Variants in LINGO2 observed in about 807,000 individuals in gnomAD.
The protein encoded by LINGO2 is leucine rich repeat and Ig domain containing 2.
Under a neutral mutation model 30.6 loss-of-function variants are expected in LINGO2, and 14 were observed. That is an observed-to-expected ratio of 0.46 (90% CI 0.30 to 0.72). LINGO2 has a LOEUF of 0.72. Among genes scored for constraint, LINGO2 ranks in the 30% least tolerant of loss-of-function variants. The pLI, the probability that LINGO2 is intolerant of heterozygous loss-of-function variation, is 0.07. For missense variants in LINGO2, 729 were observed against 751.7 expected (o/e 0.97, Z 0.35); for synonymous variants, 317 against 288.5 (o/e 1.10, Z -1.00).
intron 4 of LINGO2, among the ~76,000 whole-genome samples, chr9:28,203,255 G>A (rs1217816213): frequency 6.6e-6 from 1 of 152,142 alleles, no homozygotes; most frequent in Non-Finnish European, 1.5e-5. Context: ...GTAACTACTT[G>A]AGAGTACTTT....
At chr9:28,368,008 TTTTC>T (rs1820744112) in intron 3 of LINGO2, among the ~76,000 whole-genome samples, 1 of 152,152 alleles carries the variant, frequency 6.6e-6, no homozygotes, top group Non-Finnish European at 1.5e-5. Flanking sequence ...CTTTTACTTT[TTTTC>T]TTTCTCTTTG....
At chr9:28,344,628 T>C (rs1255513459) in intron 3 of LINGO2, among the ~76,000 whole-genome samples, 1 of 152,148 alleles carries the variant, frequency 6.6e-6, no homozygotes. Flanking sequence ...ATTAAATTTA[T>C]GTGTATTAAG....
chr9:28,534,039 T>C (rs1048397062), intron 1 of LINGO2, among the ~76,000 whole-genome samples: 23 of 152,210 alleles, frequency 1.5e-4, no homozygotes, highest in African/African-American at 5.3e-4. Context: ...ATGAACCAAT[T>C]GTTATAAGTG....
chr9:29,074,340 T>C, the LINGO2 span, among the ~76,000 whole-genome samples: 3 of 152,178 alleles, frequency 2.0e-5, no homozygotes, highest in Admixed American at 2.0e-4. Flanking sequence ...TTAAAATACA[T>C]GTATCATTGA....
chr9:29,032,650 C>T, the LINGO2 span, among the ~76,000 whole-genome samples: 1 of 152,080 alleles, frequency 6.6e-6, no homozygotes, highest in Non-Finnish European at 1.5e-5. Context: ...ATGAAATGAG[C>T]ATTTATACCA....
chr9:29,030,578 G>A, the LINGO2 span, among the ~76,000 whole-genome samples: 1 of 151,950 alleles, frequency 6.6e-6, no homozygotes, highest in African/African-American at 2.4e-5. Context: ...ACTTCCTCTT[G>A]GTAGAATGTT....
At chr9:28,983,508 C>A in the LINGO2 span, among the ~76,000 whole-genome samples, 1 of 151,638 alleles carries the variant, frequency 6.6e-6, no homozygotes, top group South Asian at 2.1e-4. Context: ...TGGAAGGCTA[C>A]AGGGCTATTT....
chr9:28,148,425 C>T lies in LINGO2; in HGVS notation c.-86-136020G>A, dbSNP rs1587084489. On this transcript the variant is annotated intron_variant, in intron 4 of 5. Coordinates refer to ENST00000379992, the Ensembl canonical transcript of LINGO2. The surrounding 1 kb of genome is among the most constrained non-coding windows in gnomAD (Gnocchi z 5.1). Reference sequence around the variant, plus strand: ...GAGCAGGTGATCCCAGCCAGGCTCCCGAAGATGGAGGTGAGGGCAGAAGAG... The same window carrying T: ...GAGCAGGTGATCCCAGCCAGGCTCCTGAAGATGGAGGTGAGGGCAGAAGAG... 14 of 1,326,146 alleles carry T rather than the reference C, an allele frequency of 1.1e-5. No homozygotes were observed. Among genetic ancestry groups the T allele is most frequent in the South Asian group, 1.0e-4 (8 of 79,530 alleles). 82.1% of individuals were successfully genotyped at this position (1,326,146 alleles called of 1,614,324 possible). A position where few individuals can be genotyped will look rare whatever the true frequency, so the allele number is the denominator to read the frequency against.
the LINGO2 span, among the ~76,000 whole-genome samples, chr9:29,117,963 T>C: frequency 6.6e-6 from 1 of 152,202 alleles, no homozygotes; most frequent in Non-Finnish European, 1.5e-5. Flanking sequence ...CACATATTTC[T>C]AAATATCAGG....
At chr9:28,668,182 G>C (rs1563904194) in intron 1 of LINGO2, among the ~76,000 whole-genome samples, 1 of 151,882 alleles carries the variant, frequency 6.6e-6, no homozygotes, top group African/African-American at 2.4e-5. Context: ...TAAAATAATA[G>C]GCAAATAATT....
chr9:28,076,995 A>C (rs1196753580), intron 4 of LINGO2, among the ~76,000 whole-genome samples: 1 of 152,216 alleles, frequency 6.6e-6, no homozygotes, highest in Admixed American at 6.5e-5. Flanking sequence ...ATGGGAATGC[A>C]TAGTGACAGA....
At chr9:28,883,407 T>C in the LINGO2 span, among the ~76,000 whole-genome samples, 3 of 151,524 alleles carry the variant, frequency 2.0e-5, no homozygotes, top group Non-Finnish European at 4.4e-5. Flanking sequence ...GTGTTCCTTC[T>C]GCCTAGAACA....
In LINGO2 at chr9:28,402,753, C is replaced by T. The variant is rs2134754143; in HGVS notation, c.-278-29885G>A. Reference sequence around the variant, plus strand: ...CACAATGAGAGACAACCCTTTCCCCCACTATATCCCAGGCTATCTTTCCCA... The same window carrying T: ...CACAATGAGAGACAACCCTTTCCCCTACTATATCCCAGGCTATCTTTCCCA... On this transcript the variant is annotated intron_variant, in intron 2 of 5. Coordinates refer to ENST00000379992, the Ensembl canonical transcript of LINGO2. 1.3e-5 allele frequency among the ~76,000 whole-genome samples: 2 copies of T among 152,214 alleles called. 1 individual carries two copies. Among genetic ancestry groups the T allele is most frequent in the Middle Eastern group, 6.8e-3 (2 of 294 alleles).
chr9:28,142,455 A>AT, intron 4 of LINGO2, among the ~76,000 whole-genome samples: 1 of 152,154 alleles, frequency 6.6e-6, no homozygotes, highest in East Asian at 1.9e-4. Flanking sequence ...ACTTCATAGG[A>AT]TTTTTTGTTG....
chr9:29,084,927 G>A, the LINGO2 span, among the ~76,000 whole-genome samples: 3 of 152,060 alleles, frequency 2.0e-5, no homozygotes, highest in East Asian at 3.9e-4. Flanking sequence ...AAGTGAATGA[G>A]TAAATGCAAT....
At chr9:28,213,207 C>T (rs564733766) in intron 4 of LINGO2, among the ~76,000 whole-genome samples, 3 of 151,556 alleles carry the variant, frequency 2.0e-5, no homozygotes, top group Non-Finnish European at 4.4e-5. Flanking sequence ...ATTAGTCATC[C>T]TCATTAAATG....
chr9:28,825,958 T>G, the LINGO2 span, among the ~76,000 whole-genome samples: 1 of 152,202 alleles, frequency 6.6e-6, no homozygotes, highest in East Asian at 1.9e-4. Context: ...TACCATTTTC[T>G]ATGATGATTC....
chr9:28,674,782 T>A, upstream of LINGO2, among the ~76,000 whole-genome samples: 1 of 152,298 alleles, frequency 6.6e-6, no homozygotes, highest in Middle Eastern at 3.4e-3. Context: ...GAACTCATCA[T>A]GGTCAAAAGG....
At chr9:28,262,620 G>T (rs115785399) in intron 4 of LINGO2, among the ~76,000 whole-genome samples, 1,658 of 152,052 alleles carry the variant, frequency 0.011, 31 homozygotes, top group African/African-American at 0.037. Flanking sequence ...AAACTGAACT[G>T]CGTTCAGAAG....
Sources: allele counts gnomAD v4.1 joint callset (sites outside exome capture counted in the v4.1 genomes callset), GRCh38; gene constraint gnomAD v4.1.1; non-coding constraint Gnocchi (gnomAD v3.1); transcripts MANE v1.5; gene names NCBI Gene and HGNC (gene_info 2026-07-23, HGNC 2026-07-21).